The following TENM3 variants were observed in gnomAD, a reference collection of about 807,000 sequenced individuals.
TENM3 encodes the protein teneurin transmembrane protein 3.
A neutral mutation model predicts 255.1 loss-of-function variants in TENM3; 63 were observed. That is an observed-to-expected ratio of 0.25 (90% CI 0.20 to 0.30). The LOEUF (loss-of-function observed/expected upper bound fraction) is 0.30, where lower values mean the gene tolerates loss of function less well. Among genes scored for constraint, TENM3 ranks in the 10% least tolerant of loss-of-function variants. TENM3 has a pLI of 1.00. For synonymous variants in TENM3, 1,306 were observed against 1,322.3 expected, an observed-to-expected ratio of 0.99 and a Z score of 0.27; for missense variants, 2,929 against 3,461.1, an observed-to-expected ratio of 0.85 and a Z score of 3.86.
intron 12 of TENM3, among the ~76,000 whole-genome samples, chr4:182,706,666 T>G (rs1579179863): frequency 6.6e-6 from 1 of 152,140 alleles, no homozygotes; most frequent in East Asian, 1.9e-4. Flanking sequence ...AAAGCAGATA[T>G]TAACACTCTG....
chr4:181,697,684 G>A, the TENM3 span, among the ~76,000 whole-genome samples: 6 of 152,108 alleles, frequency 3.9e-5, no homozygotes, highest in East Asian at 5.9e-4. Context: ...AAGCCACTGC[G>A]TCCAGCCCAT....
intron 1 of TENM3, among the ~76,000 whole-genome samples, chr4:182,220,900 T>C (rs959323973): frequency 6.6e-6 from 1 of 152,198 alleles, no homozygotes; most frequent in African/African-American, 2.4e-5. Context: ...GGAGAGATTA[T>C]TGTAAGTGTT....
chr4:182,169,808 C>A (rs1406331624), intron 1 of TENM3, among the ~76,000 whole-genome samples: 1 of 151,878 alleles, frequency 6.6e-6, no homozygotes, highest in Non-Finnish European at 1.5e-5. Flanking sequence ...ACATCAGTAA[C>A]AAAATTATAG....
chr4:182,691,271 C>T (rs1156377752), intron 12 of TENM3, among the ~76,000 whole-genome samples: 1 of 152,218 alleles, frequency 6.6e-6, no homozygotes, highest in Non-Finnish European at 1.5e-5. Flanking sequence ...AAAGAAGCTG[C>T]CACTTGGTGA....
chr4:182,654,849 C>G lies in TENM3; in HGVS notation c.1111+956C>G, dbSNP rs187441991. Among the ~76,000 whole-genome samples the G allele has an allele frequency of 1.8e-4, 28 of 152,198 alleles. No individual in the cohort carries two copies. In the East Asian group the frequency reaches 4.6e-3, roughly 25 times the overall value. On this transcript the variant is annotated intron_variant, in intron 6 of 27. Coordinates refer to ENST00000511685, the MANE Select transcript of TENM3 (RefSeq NM_001080477.4). ...TTTACTGGGATGAATACTTTGTACA[C>G]TTTTTTATTCTTTTTTTTCCTAATG...
chr4:182,680,378 C>G (rs376401508), intron 9 of TENM3, 29 bp downstream of exon 9: 6 of 1,563,382 alleles, frequency 3.8e-6, no homozygotes, highest in Non-Finnish European at 5.3e-6. Flanking sequence ...TCTCTTAAGC[C>G]GATATAAATA....
the TENM3 span, among the ~76,000 whole-genome samples, chr4:182,132,728 A>C: frequency 1.3e-5 from 2 of 152,190 alleles, no homozygotes; most frequent in African/African-American, 4.8e-5. Context: ...ATTAAACTCT[A>C]GTTCATAGTT....
At chr4:182,421,844 A>G (rs79097674) in intron 3 of TENM3, among the ~76,000 whole-genome samples, 2,666 of 152,258 alleles carry the variant, frequency 0.018, 76 homozygotes, top group African/African-American at 0.059. Context: ...CCTCCCAACC[A>G]TGACCTCAGG....
At chr4:182,644,433 A>C (rs1187965781) in intron 5 of TENM3, among the ~76,000 whole-genome samples, 1 of 152,192 alleles carries the variant, frequency 6.6e-6, no homozygotes, top group Non-Finnish European at 1.5e-5. Flanking sequence ...AGTGTTCCAC[A>C]TGCTGGCTTT....
At chr4:181,998,162 A>G in the TENM3 span, among the ~76,000 whole-genome samples, 1 of 152,134 alleles carries the variant, frequency 6.6e-6, no homozygotes, top group East Asian at 1.9e-4. Flanking sequence ...GTCATTTCCA[A>G]ATTTATGACC....
rs767990770 is a variant in TENM3, at chr4:182,673,018, A to T, written c.1125A>T (p.Gly375=). The change falls in exon 7 of 28, where the codon GGA becomes GGT. Residue 375 remains glycine (G), a synonymous_variant. Coordinates refer to ENST00000511685, the MANE Select transcript of TENM3 (RefSeq NM_001080477.4). The stretch of plus-strand genomic sequence containing the variant: ...TCTTACATTCAGGAAAATTAGGTGG[A>T]TTTACGCAAGAAAATAACACCATAG... The part of the protein sequence containing the change: ...LPSGDNGKLG[G]FTQENNTIDS... 7 of 1,584,458 alleles carry T rather than the reference A, an allele frequency of 4.4e-6. No homozygotes were observed. In the Admixed American group the frequency reaches 1.3e-4, roughly 28 times the overall value.
At chr4:182,489,133 G>C (rs1213670236) in intron 3 of TENM3, among the ~76,000 whole-genome samples, 1 of 152,130 alleles carries the variant, frequency 6.6e-6, no homozygotes, top group Non-Finnish European at 1.5e-5. Context: ...GAAAGAATTT[G>C]ATCGTTAAGG....
At chr4:182,573,603 C>T (rs1034432670) in intron 3 of TENM3, among the ~76,000 whole-genome samples, 1 of 152,022 alleles carries the variant, frequency 6.6e-6, no homozygotes, top group African/African-American at 2.4e-5. Context: ...CCAGATTGAA[C>T]GAATGCCACA....
intron 4 of TENM3, among the ~76,000 whole-genome samples, chr4:182,620,593 G>A (rs766576315): frequency 3.3e-5 from 5 of 152,166 alleles, no homozygotes; most frequent in African/African-American, 7.2e-5. Context: ...GAAGGAATCC[G>A]TCTACACAAA....
intron 3 of TENM3, among the ~76,000 whole-genome samples, chr4:182,508,773 A>G (rs1737084922): frequency 6.6e-6 from 1 of 152,222 alleles, no homozygotes; most frequent in Non-Finnish European, 1.5e-5. Flanking sequence ...AACCTAACTT[A>G]GACTTTCAAT....
At chr4:181,516,381 AAG>A in the TENM3 span, among the ~76,000 whole-genome samples, 5 of 145,966 alleles carry the variant, frequency 3.4e-5, no homozygotes, top group East Asian at 4.1e-4. Context: ...AAAAAAAAAA[AAG>A]AAAGAAAGAG....
the TENM3 span, among the ~76,000 whole-genome samples, chr4:181,968,146 A>C: frequency 2.0e-5 from 3 of 152,158 alleles, no homozygotes; most frequent in African/African-American, 7.2e-5. Context: ...GATGGAAGAT[A>C]TTCAGCCACT....
chr4:181,899,715 G>A, the TENM3 span, among the ~76,000 whole-genome samples: 1 of 151,898 alleles, frequency 6.6e-6, no homozygotes, highest in African/African-American at 2.4e-5. Flanking sequence ...CTACAGGCAT[G>A]CACCACCACA....
chr4:182,707,576 T>C lies in TENM3; in HGVS notation c.2222-6511T>C, dbSNP rs528806141. 5.3e-5 allele frequency among the ~76,000 whole-genome samples: 8 copies of C among 152,298 alleles called. No individual in the cohort carries two copies. The South Asian group carries it at 1.7e-3, about 32-fold the overall frequency. ...CTAGAGGGGAGATGTGTGAAAAGAA[T>C]ACAGGAGTAGTCATTTGCTTTGTTG... On this transcript the variant is annotated intron_variant, in intron 12 of 27. Coordinates refer to ENST00000511685, the MANE Select transcript of TENM3 (RefSeq NM_001080477.4).
Sources: gnomAD v4.1 joint callset for allele counts (sites outside exome capture counted in the v4.1 genomes callset) on GRCh38, gnomAD v4.1.1 for gene constraint, MANE v1.5 for transcripts, NCBI Gene and HGNC (gene_info 2026-07-23, HGNC 2026-07-21) for gene names.